ABCA13: variants seen among roughly 807,000 people sequenced by gnomAD.
The protein encoded by ABCA13 is ATP-binding cassette sub-family A member 13.
In ABCA13, 476 loss-of-function variants were observed where a neutral mutation model predicts 478.7. That is an observed-to-expected ratio of 0.99 (90% CI 0.92 to 1.07). The LOEUF (loss-of-function observed/expected upper bound fraction) is 1.07. Ranked by LOEUF, ABCA13 falls within the 50% of genes least tolerant of loss-of-function variation. The pLI, the probability that ABCA13 is intolerant of heterozygous loss-of-function variation, is 0.00. For missense variants in ABCA13, 6,060 were observed against 5,910.6 expected (o/e 1.03, Z -0.83); for synonymous variants, 2,252 against 2,158.9 (o/e 1.04, Z -1.20).
At chr7:48,411,035 CTTT>C (rs1563208574) in intron 40 of ABCA13, among the ~76,000 whole-genome samples, 48 of 109,570 alleles carry the variant, frequency 4.4e-4, no homozygotes, top group African/African-American at 7.7e-4. Context: ...TTCTTTCTTT[CTTT>C]CTTTCTTTCT....
chr7:48,613,441 C>T (rs967360792), intron 58 of ABCA13, among the ~76,000 whole-genome samples: 12 of 152,226 alleles, frequency 7.9e-5, no homozygotes, highest in East Asian at 5.8e-4. Flanking sequence ...CCACCCACCT[C>T]GGCCTCCCAA....
At chr7:48,338,635 TGTTTCA>T (rs1367282188) in intron 29 of ABCA13, among the ~76,000 whole-genome samples, 180 bp downstream of exon 29, 1 of 152,236 alleles carries the variant, frequency 6.6e-6, no homozygotes, top group East Asian at 1.9e-4. Context: ...CCCCAAAGTT[TGTTTCA>T]TACCTGAAGT....
At chr7:48,564,963 C>G (rs1278946344) in intron 55 of ABCA13, among the ~76,000 whole-genome samples, 1 of 152,020 alleles carries the variant, frequency 6.6e-6, no homozygotes, top group Admixed American at 6.6e-5. Context: ...TAAAGGAGTT[C>G]TAAGAAAACT....
In ABCA13 at chr7:48,646,132, A is replaced by G; in HGVS notation, c.*620A>G. On this transcript the variant is annotated 3_prime_UTR_variant, in exon 62 of 62. Transcript: ENST00000435803. ...TAGGTTTTAAGAGCTCTTTTAGTAT[A>G]CACTTTAGCAAAATTAATTAAATTG... 1 of 152,306 alleles carries G rather than the reference A, an allele frequency of 6.6e-6. No homozygotes were observed. The highest frequency in any genetic ancestry group is 2.1e-4 in the South Asian group (1 of 4,828). 9.4% of individuals were successfully genotyped at this position (152,306 alleles called of 1,614,324 possible). A position where few individuals can be genotyped will look rare whatever the true frequency, so the allele number is the denominator to read the frequency against.
chr7:48,614,146 A>G (rs930918918), intron 58 of ABCA13, among the ~76,000 whole-genome samples: 8 of 150,730 alleles, frequency 5.3e-5, no homozygotes, highest in Non-Finnish European at 3.0e-5. Flanking sequence ...CAAAATATCC[A>G]TTCTTTTCTT....
chr7:48,413,569 G>T (rs767329000), intron 41 of ABCA13, among the ~76,000 whole-genome samples: 9 of 152,076 alleles, frequency 5.9e-5, no homozygotes, highest in Non-Finnish European at 1.0e-4. Flanking sequence ...AATGTCACGG[G>T]TTTTCAAAAA....
chr7:48,507,248 T>G (rs1051612218), intron 49 of ABCA13, among the ~76,000 whole-genome samples: 2 of 152,052 alleles, frequency 1.3e-5, no homozygotes, highest in African/African-American at 4.8e-5. Flanking sequence ...TGCTGAGGAG[T>G]TCCATCGTGT....
rs1196317361 is a variant in ABCA13 at position 48,272,120 on chromosome 7, TC to T, written c.2455del (p.Leu819PhefsTer2). ...SHWIRKEPKN[L>X]LRFIELILFE... Reference sequence around the variant, plus strand: ...ACTGGATAAGGAAGGAACCAAAAAATCTTTTGAGATTCATAGAATTAATACT... The same window carrying T: ...ACTGGATAAGGAAGGAACCAAAAAATTTTTGAGATTCATAGAATTAATACT... On this transcript the variant is annotated frameshift_variant, in exon 17 of 62. Transcript: ENST00000435803. LOFTEE classifies it high-confidence loss of function. 1.2e-6 allele frequency: 2 copies of T among 1,613,462 alleles called. No individual in the cohort carries two copies.
intron 5 of ABCA13, among the ~76,000 whole-genome samples, chr7:48,223,657 TA>T (rs1196337612): frequency 6.6e-6 from 1 of 151,650 alleles, no homozygotes; most frequent in Non-Finnish European, 1.5e-5. Context: ...GGAGTGGGTT[TA>T]AAAGAGAGTG....
At chr7:48,226,785 C>T (rs1788272737) in intron 5 of ABCA13, among the ~76,000 whole-genome samples, 1 of 152,134 alleles carries the variant, frequency 6.6e-6, no homozygotes, top group Non-Finnish European at 1.5e-5. Context: ...AATCCAAAGG[C>T]TCTATACTAT....
intron 27 of ABCA13, among the ~76,000 whole-genome samples, chr7:48,327,775 G>A (rs1057499715): frequency 4.6e-5 from 7 of 152,218 alleles, no homozygotes; most frequent in South Asian, 2.1e-4. Flanking sequence ...GGGATACTGG[G>A]TACCTAATTT....
rs79995919 is a variant in ABCA13 at position 48,607,004 on chromosome 7, T to C, written c.14745-8281T>C. 1.8e-3 allele frequency among the ~76,000 whole-genome samples: 276 copies of C among 152,304 alleles called. 5 individuals carry two copies. The East Asian group carries it at 0.043, about 24-fold the overall frequency. On this transcript the variant is annotated intron_variant, in intron 58 of 61. Coordinates refer to ENST00000435803, the MANE Select transcript of ABCA13 (RefSeq NM_152701.5). ...CTTCCTGAGGGCTTTGTTTACACTTTGAGGGTGAAACCGCGTACTGAAGCC... is the reference window on the plus strand; with the variant it reads ...CTTCCTGAGGGCTTTGTTTACACTTCGAGGGTGAAACCGCGTACTGAAGCC...
At chr7:48,423,816 T>A (rs1381571487) in intron 41 of ABCA13, among the ~76,000 whole-genome samples, 1 of 152,264 alleles carries the variant, frequency 6.6e-6, no homozygotes, top group African/African-American at 2.4e-5. Flanking sequence ...TATTCTTATT[T>A]ACTTTGTGTG....
At chr7:48,404,863 C>A (rs1198322257) in intron 39 of ABCA13, among the ~76,000 whole-genome samples, 3 of 152,172 alleles carry the variant, frequency 2.0e-5, no homozygotes, top group Non-Finnish European at 4.4e-5. Flanking sequence ...TTCTGTCCCA[C>A]AATTTTGTTG....
rs1002802891 is a variant in ABCA13, at chr7:48,290,841, T to G, written c.8955+2763T>G. 3.4e-5 allele frequency among the ~76,000 whole-genome samples: 5 copies of G among 145,282 alleles called. No individual in the cohort carries two copies. In the Middle Eastern group the frequency reaches 0.012, roughly 357 times the overall value. ...TGACCTAGTTGTATTTCTGCATTGA[T>G]ATGCTACAAAAAGGGATCTCTTTGG... On this transcript the variant is annotated intron_variant, in intron 20 of 61. Transcript: ENST00000435803.
intron 54 of ABCA13, among the ~76,000 whole-genome samples, chr7:48,526,258 C>T (rs144796384): frequency 0.012 from 1,814 of 152,180 alleles, 15 homozygotes; most frequent in Non-Finnish European, 0.02. Flanking sequence ...CAGAGTAAAA[C>T]TTTTGATTCT....
At chr7:48,431,860 A>T (rs545281904) in intron 42 of ABCA13, among the ~76,000 whole-genome samples, 11 of 152,168 alleles carry the variant, frequency 7.2e-5, no homozygotes, top group Non-Finnish European at 1.5e-4. Context: ...AATAATATTC[A>T]TCCATTAGAC....
chr7:48,530,056 C>G (rs1585715581), intron 55 of ABCA13, among the ~76,000 whole-genome samples: 1 of 151,952 alleles, frequency 6.6e-6, no homozygotes, highest in East Asian at 1.9e-4. Flanking sequence ...GTCTTTTATC[C>G]CTCACTCCTC....
chr7:48,559,527 A>G (rs1786228852), intron 55 of ABCA13, among the ~76,000 whole-genome samples: 1 of 152,002 alleles, frequency 6.6e-6, no homozygotes, highest in South Asian at 2.1e-4. Context: ...GCTCCACCCC[A>G]CTATGGCTGA....
Sources: gnomAD v4.1 joint callset for allele counts (sites outside exome capture counted in the v4.1 genomes callset) on GRCh38, gnomAD v4.1.1 for gene constraint, MANE v1.5 for transcripts, NCBI Gene and HGNC (gene_info 2026-07-23, HGNC 2026-07-21) for gene names.